The following ZFHX3 variants were observed in gnomAD, a reference collection of about 807,000 sequenced individuals.
ZFHX3 encodes zinc finger homeobox protein 3.
Under a neutral mutation model 279.1 loss-of-function variants are expected in ZFHX3, and 42 were observed. That is an observed-to-expected ratio of 0.15 (90% CI 0.12 to 0.19). The LOEUF is 0.19. Among genes scored for constraint, ZFHX3 ranks in the 10% least tolerant of loss-of-function variants. ZFHX3 has a pLI of 1.00. For synonymous variants in ZFHX3, 2,293 were observed against 1,957.8 expected (o/e 1.17, Z -4.52); for missense variants, 4,981 against 4,754.0 (o/e 1.05, Z -1.40).
At chr16:73,522,468 A>G (rs1467083134) in intron 2 of ZFHX3, among the ~76,000 whole-genome samples, 1 of 152,170 alleles carries the variant, frequency 6.6e-6, no homozygotes. Context: ...GCCATTATCC[A>G]TAGCCCAGGA....
In ZFHX3 at chr16:72,916,928, A is replaced by G. The variant is rs1003571604; in HGVS notation, c.3217-26966T>C. ...TGAATGTGATCTTGGCAGGGGAAAG[A>G]CAGTTCTAAGCTTAACAAAGCAGAA... On this transcript the variant is annotated intron_variant, in intron 3 of 9. Coordinates refer to ENST00000268489, the MANE Select transcript of ZFHX3 (RefSeq NM_006885.4). Among the ~76,000 whole-genome samples the G allele has an allele frequency of 2.0e-5, 3 of 152,272 alleles. No individual in the cohort carries two copies. In the South Asian group the frequency reaches 6.2e-4, roughly 32 times the overall value.
intron 1 of ZFHX3, among the ~76,000 whole-genome samples, chr16:73,011,996 T>C (rs1025795378): frequency 6.6e-6 from 1 of 152,074 alleles, no homozygotes; most frequent in African/African-American, 2.4e-5. Context: ...ACTGAAATAC[T>C]ATCTTTAGAG....
At chr16:73,323,879 C>G (rs139186670) in intron 3 of ZFHX3, among the ~76,000 whole-genome samples, 4 of 152,202 alleles carry the variant, frequency 2.6e-5, no homozygotes, top group African/African-American at 7.2e-5. Flanking sequence ...ATCAACCCAT[C>G]TGGGCTTAAG....
chr16:73,637,382 C>T (rs1038481157), intron 2 of ZFHX3, among the ~76,000 whole-genome samples: 8 of 151,852 alleles, frequency 5.3e-5, no homozygotes, highest in African/African-American at 1.9e-4. Context: ...TAGGTGGCTG[C>T]CACCATGCCC....
chr16:73,034,577 A>G (rs1367910051), intron 1 of ZFHX3, among the ~76,000 whole-genome samples: 1 of 152,136 alleles, frequency 6.6e-6, no homozygotes, highest in Non-Finnish European at 1.5e-5. Flanking sequence ...CTAGCAACCC[A>G]CCACGGAGAG....
At chr16:73,705,940 G>A (rs1028413198) in intron 1 of ZFHX3, among the ~76,000 whole-genome samples, 5 of 152,150 alleles carry the variant, frequency 3.3e-5, no homozygotes, top group African/African-American at 1.2e-4. Flanking sequence ...ACCTCACAGA[G>A]ACTCTTGTAA....
intron 2 of ZFHX3, among the ~76,000 whole-genome samples, chr16:73,581,424 T>G (rs540907573): frequency 2.6e-5 from 4 of 151,956 alleles, no homozygotes; most frequent in African/African-American, 9.7e-5. Flanking sequence ...TTCTGACTCC[T>G]TTATTCACAT....
intron 5 of ZFHX3, among the ~76,000 whole-genome samples, chr16:73,159,925 G>C (rs1370703003): frequency 6.6e-6 from 1 of 152,048 alleles, no homozygotes; most frequent in Non-Finnish European, 1.5e-5. Flanking sequence ...ACCATGCCTG[G>C]CTAATTTTTG....
chr16:72,830,131 C>G (rs1354153599), intron 4 of ZFHX3, among the ~76,000 whole-genome samples: 1 of 152,212 alleles, frequency 6.6e-6, no homozygotes, highest in Non-Finnish European at 1.5e-5. Context: ...ATTCTGAATG[C>G]TTCGCTTGAG....
intron 4 of ZFHX3, among the ~76,000 whole-genome samples, chr16:73,291,459 C>A (rs1219721456): frequency 6.6e-6 from 1 of 152,220 alleles, no homozygotes; most frequent in South Asian, 2.1e-4. Flanking sequence ...TCCAGAGATA[C>A]GTGTGAAGGA....
chr16:73,047,219 C>T (rs1231631761), intron 1 of ZFHX3, among the ~76,000 whole-genome samples: 1 of 152,168 alleles, frequency 6.6e-6, no homozygotes, highest in East Asian at 1.9e-4. Flanking sequence ...CATCAGCTCC[C>T]CACCCCGCCC....
chr16:73,870,497 T>G (rs1425618749), intron 1 of ZFHX3, among the ~76,000 whole-genome samples: 14 of 152,116 alleles, frequency 9.2e-5, no homozygotes, highest in Admixed American at 9.2e-4. Flanking sequence ...ACGTCAACGC[T>G]CAAAACAAAT....
intron 2 of ZFHX3, among the ~76,000 whole-genome samples, chr16:73,464,145 G>T (rs538220150): frequency 6.6e-6 from 1 of 151,840 alleles, no homozygotes; most frequent in East Asian, 1.9e-4. Context: ...TTACTAATTT[G>T]TAAACAGTCC....
At chr16:73,129,714 ATGTGTGTGTG>A (rs34767541) in intron 7 of ZFHX3, among the ~76,000 whole-genome samples, 2 of 147,494 alleles carry the variant, frequency 1.4e-5, no homozygotes, top group African/African-American at 2.5e-5. Flanking sequence ...GTGCATGTGT[ATGTGTGTGTG>A]TGTGTGTGTG....
intron 5 of ZFHX3, among the ~76,000 whole-genome samples, chr16:73,215,185 C>A (rs1379769078): frequency 6.6e-6 from 1 of 152,170 alleles, no homozygotes. Flanking sequence ...CTGGGTATGA[C>A]AGCTCTAGAG....
chr16:72,950,691 G>A lies in ZFHX3; in HGVS notation c.2994C>T (p.Asn998=). Residue 998 remains asparagine, a synonymous_variant, in exon 3 of 10, where the codon AAC becomes AAT. Transcript: ENST00000268489. ...LCRYNTQLKA[N]FQLHCKTDKH... ...TGTCTGTCTTGCAGTGCAGCTGGAA[G>A]TTGGCCTTGAGCTGGGTGTTGTAGC... is the stretch of plus-strand genomic sequence containing the variant. 6.2e-7 allele frequency: 1 copy of A among 1,614,260 alleles called. No individual in the cohort carries two copies. The highest frequency in any genetic ancestry group is 8.5e-7 in the Non-Finnish European group (1 of 1,180,046).
intron 2 of ZFHX3, among the ~76,000 whole-genome samples, chr16:73,514,083 C>T (rs2019480008): frequency 1.3e-5 from 2 of 152,036 alleles, no homozygotes; most frequent in South Asian, 4.2e-4. Context: ...CCTGTCTCTA[C>T]TAAAAATACA....
chr16:72,890,109 T>G, intron 3 of ZFHX3, 147 bp from the exon 4 acceptor site: 1 of 712,370 alleles, frequency 1.4e-6, no homozygotes, highest in Non-Finnish European at 2.3e-6. Flanking sequence ...TTGATATGGT[T>G]TGGCTGTGTC....
intron 4 of ZFHX3, among the ~76,000 whole-genome samples, chr16:72,863,591 T>C (rs1475735207): frequency 6.6e-6 from 1 of 151,664 alleles, no homozygotes; most frequent in East Asian, 1.9e-4. Context: ...CAAGATTTGT[T>C]TGAAAATAAT....
Sources: allele counts gnomAD v4.1 joint callset (sites outside exome capture counted in the v4.1 genomes callset), GRCh38; gene constraint gnomAD v4.1.1; transcripts MANE v1.5; gene names NCBI Gene and HGNC (gene_info 2026-07-23, HGNC 2026-07-21).